Variants in ALMS1 observed in about 807,000 individuals in gnomAD.
ALMS1 encodes the protein ALMS1 centrosome and basal body associated protein, also known as centrosome-associated protein ALMS1.
In ALMS1, 271 loss-of-function variants were observed where a neutral mutation model predicts 352.2. The ratio of observed to expected loss-of-function variants is 0.77; its 90% CI spans 0.70 to 0.85. ALMS1 has a LOEUF of 0.85. Among genes scored for constraint, ALMS1 ranks in the 40% least tolerant of loss-of-function variants. The probability of loss-of-function intolerance (pLI) is 0.00; values close to 1 mark genes in which losing one functional copy is unlikely to be tolerated. For synonymous variants in ALMS1, 1,865 were observed against 1,761.2 expected, an observed-to-expected ratio of 1.06 and a Z score of -1.48; for missense variants, 5,445 against 4,870.7, an observed-to-expected ratio of 1.12 and a Z score of -3.51.
Position 73,484,223 on chromosome 2 carries a change from T to G in ALMS1, c.7675-5411T>G, listed in dbSNP as rs916346225. On this transcript the variant is annotated intron_variant, in intron 9 of 22. Coordinates refer to ENST00000613296, the MANE Select transcript of ALMS1 (RefSeq NM_001378454.1). ...GCAGCGGCTGGTACTGGTTGTTCCT[T>G]TCCATGTTTAGTGCTTCCTTCAGGA... Among the ~76,000 whole-genome samples the G allele has an allele frequency of 2.4e-4, 37 of 151,858 alleles. 1 individual carries two copies. Among genetic ancestry groups the G allele is most frequent in the Admixed American group, 1.2e-3 (19 of 15,254 alleles).
chr2:73,454,202 G>C lies in ALMS1; in HGVS notation c.7540+135G>C, dbSNP rs375135097. ...GAAAAAAAATGAAGTTAGATATTTG[G>C]AGTTCTAAATGTATTTTCCAATAGA... On this transcript the variant is annotated intron_variant, in intron 8 of 22. Transcript: ENST00000613296. 1.4e-4 allele frequency: 213 copies of C among 1,474,262 alleles called. 2 individuals are homozygous for C. The South Asian group carries it at 2.7e-3, about 18-fold the overall frequency. 91.3% of individuals were successfully genotyped at this position (1,474,262 alleles called of 1,614,324 possible).
At chr2:73,519,617 T>C (rs1673630057) in intron 10 of ALMS1, among the ~76,000 whole-genome samples, 158 bp from the exon 11 acceptor site, 1 of 152,154 alleles carries the variant, frequency 6.6e-6, no homozygotes, top group Non-Finnish European at 1.5e-5. Flanking sequence ...AAATAAAGGG[T>C]ACTGCTGAAA....
At chr2:73,521,580 C>CAA (rs565126393) in intron 11 of ALMS1, among the ~76,000 whole-genome samples, 10 of 94,864 alleles carry the variant, frequency 1.1e-4, no homozygotes, top group South Asian at 4.2e-4. Flanking sequence ...ACTAAAAATA[C>CAA]AAAAAAAAAA....
intron 15 of ALMS1, among the ~76,000 whole-genome samples, chr2:73,561,595 G>A (rs1469792207): frequency 6.6e-6 from 1 of 151,208 alleles, no homozygotes; most frequent in Non-Finnish European, 1.5e-5. Flanking sequence ...CAGAGAATTA[G>A]TGTTTAGTAG....
In ALMS1 at chr2:73,449,400, G is replaced by A. The variant is rs1558648286; in HGVS notation, c.2873G>A (p.Ser958Asn). The A allele has an allele frequency of 6.2e-7, 1 of 1,614,066 alleles. No homozygotes were observed. Among genetic ancestry groups the A allele is most frequent in the Non-Finnish European group, 8.5e-7 (1 of 1,179,980 alleles). ...PTVSSNSHSH[S>N]EKSSVFYQQE... ...GTGTCCTCTAATTCTCACTCACATAGCGAGAAATCTAGTGTTTTCTACCAG... is the reference window on the plus strand; with the variant it reads ...GTGTCCTCTAATTCTCACTCACATAACGAGAAATCTAGTGTTTTCTACCAG... Residue 958 changes from serine (S) to asparagine (N), a missense_variant, in exon 8 of 23, where the codon AGC becomes AAC. Ser to Asn is a conservative substitution (Grantham distance 46). Coordinates refer to ENST00000613296, the MANE Select transcript of ALMS1 (RefSeq NM_001378454.1).
rs1353045187 is a variant in ALMS1, at chr2:73,600,690, T to C, written c.11681T>C (p.Ile3894Thr). 8.1e-6 allele frequency: 13 copies of C among 1,613,484 alleles called. No individual in the cohort carries two copies. The highest frequency in any genetic ancestry group is 1.1e-5 in the Non-Finnish European group (13 of 1,179,738). Residue 3894 changes from isoleucine to threonine, a missense_variant, in exon 18 of 23, where the codon ATT becomes ACT. Coordinates refer to ENST00000613296, the MANE Select transcript of ALMS1 (RefSeq NM_001378454.1). The stretch of plus-strand genomic sequence containing the variant: ...TCCTTCCCCTCAGGTAACTTGGAGA[T>C]TGTGAACGGTGCCAAAAAACACACT... ...NKGIQAGNLE[I>T]VNGAKKHTRD...
At chr2:73,575,009 G>A (rs1675022926) in intron 16 of ALMS1, among the ~76,000 whole-genome samples, 1 of 152,064 alleles carries the variant, frequency 6.6e-6, no homozygotes, top group Admixed American at 6.6e-5. Context: ...TCATATAAAT[G>A]GAATCATTTA....
intron 1 of ALMS1, among the ~76,000 whole-genome samples, chr2:73,398,155 T>TTG (rs1305561190): frequency 6.6e-6 from 1 of 152,218 alleles, no homozygotes; most frequent in African/African-American, 2.4e-5. Flanking sequence ...GAATTAATTT[T>TTG]TGTGTGTGAA....
At chr2:73,561,108 C>A (rs1015886111) in intron 15 of ALMS1, among the ~76,000 whole-genome samples, 2 of 152,246 alleles carry the variant, frequency 1.3e-5, no homozygotes, top group Non-Finnish European at 2.9e-5. Flanking sequence ...TTGCACATAA[C>A]CGTTGCTATG....
intron 11 of ALMS1, among the ~76,000 whole-genome samples, chr2:73,524,337 G>A (rs1482017729): frequency 6.6e-6 from 1 of 152,170 alleles, no homozygotes; most frequent in East Asian, 1.9e-4. Context: ...GAGCTATTTT[G>A]ATATAGGCAT....
intron 1 of ALMS1, among the ~76,000 whole-genome samples, chr2:73,387,482 G>A (rs1236115368): frequency 6.6e-6 from 1 of 152,190 alleles, no homozygotes; most frequent in African/African-American, 2.4e-5. Context: ...GACAGTTTAA[G>A]GTTAATCAGG....
chr2:73,538,448 C>T (rs1016880930), intron 12 of ALMS1, among the ~76,000 whole-genome samples: 1 of 152,092 alleles, frequency 6.6e-6, no homozygotes, highest in Non-Finnish European at 1.5e-5. Flanking sequence ...TCTGCAGCTC[C>T]CAGTGTGAGC....
Position 73,424,522 on chromosome 2 carries a change from C to T in ALMS1, c.857C>T (p.Ser286Leu), listed in dbSNP as rs1270472063. 1 of 1,611,116 alleles carries T rather than the reference C, an allele frequency of 6.2e-7. No homozygotes were observed. The change falls in exon 5 of 23, where the codon TCA becomes TTA. Residue 286 changes from serine (S) to leucine (L), a missense_variant. Coordinates refer to ENST00000613296, the MANE Select transcript of ALMS1 (RefSeq NM_001378454.1). ...ALFQATAEVASDLASSRFSVS... is the reference protein window; with the variant it reads ...ALFQATAEVALDLASSRFSVS... ...TTCCAGGCTACTGCAGAAGTAGCTT[C>T]AGACTTAGCAAGCAGTCGCTTTAGT...
chr2:73,404,811 A>G (rs1202011862), intron 1 of ALMS1, among the ~76,000 whole-genome samples: 1 of 145,904 alleles, frequency 6.9e-6, no homozygotes, highest in Non-Finnish European at 1.5e-5. Context: ...CTCCTGTGCA[A>G]TTTTTTGGGA....
chr2:73,579,927 G>T (rs1430645405), intron 16 of ALMS1, among the ~76,000 whole-genome samples: 1 of 152,090 alleles, frequency 6.6e-6, no homozygotes, highest in Non-Finnish European at 1.5e-5. Context: ...CCCTTATCAA[G>T]TTGGAGGAGT....
intron 2 of ALMS1, among the ~76,000 whole-genome samples, chr2:73,416,254 C>A (rs1394642765): frequency 6.6e-6 from 1 of 152,106 alleles, no homozygotes; most frequent in Admixed American, 6.6e-5. Flanking sequence ...TCTCATATTC[C>A]TTTTATTTTC....
At chr2:73,492,845 G>A (rs1453100935) in intron 10 of ALMS1, among the ~76,000 whole-genome samples, 6 of 151,860 alleles carry the variant, frequency 4.0e-5, no homozygotes, top group Admixed American at 2.0e-4. Flanking sequence ...CTGGGTTCCC[G>A]TCCCGCCTCA....
Position 73,520,006 on chromosome 2 carries a change from C to T in ALMS1, c.9771C>T (p.Arg3257=), listed in dbSNP as rs758325542. The T allele has an allele frequency of 2.2e-5, 35 of 1,613,924 alleles. No homozygotes were observed. The highest frequency in any genetic ancestry group is 8.0e-5 in the African/African-American group (6 of 74,912). ...SSSVQQVTFS[R]GTDGQPLLLP... is the part of the protein sequence containing the mutation. Reference sequence around the variant, plus strand: ...CAGTCCAACAGGTTACTTTTTCTCGCGGCACAGATGGTAAGAGAATGTGAT... The same window carrying T: ...CAGTCCAACAGGTTACTTTTTCTCGTGGCACAGATGGTAAGAGAATGTGAT... The change falls in exon 11 of 23, where the codon CGC becomes CGT. Residue 3257 remains arginine, a synonymous_variant. Transcript: ENST00000613296.
At chr2:73,562,335 C>T (rs1674681195) in intron 15 of ALMS1, among the ~76,000 whole-genome samples, 1 of 151,914 alleles carries the variant, frequency 6.6e-6, no homozygotes. Context: ...CTGGCTTGAA[C>T]CTGTAATTTA....
Sources: allele counts gnomAD v4.1 joint callset (sites outside exome capture counted in the v4.1 genomes callset), GRCh38; gene constraint gnomAD v4.1.1; transcripts MANE v1.5; gene names NCBI Gene and HGNC (gene_info 2026-07-23, HGNC 2026-07-21).